The following NRG4 variants were observed in gnomAD, a reference collection of about 807,000 sequenced individuals.
The protein encoded by NRG4 is neuregulin 4.
A neutral mutation model predicts 15.0 loss-of-function variants in NRG4; 10 were observed. The observed-to-expected ratio is 0.67, with a 90% CI of 0.41 to 1.13. The LOEUF (loss-of-function observed/expected upper bound fraction) is 1.13. Ranked by LOEUF, NRG4 falls within the 50% of genes most tolerant of loss-of-function variation. The pLI is 0.00. For missense variants in NRG4, 139 were observed against 140.2 expected (o/e 0.99, Z 0.04); for synonymous variants, 41 against 50.1 (o/e 0.82, Z 0.77).
At chr15:76,055,527 T>G (rs768190319) in intron 2 of NRG4, among the ~76,000 whole-genome samples, 1 of 152,162 alleles carries the variant, frequency 6.6e-6, no homozygotes, top group Non-Finnish European at 1.5e-5. Flanking sequence ...GTGCCTTAAA[T>G]CTTGAATTAC....
intron 4 of NRG4, among the ~76,000 whole-genome samples, chr15:76,049,368 C>A (rs1445618684): frequency 6.6e-6 from 1 of 150,810 alleles, no homozygotes; most frequent in East Asian, 1.9e-4. Flanking sequence ...TCTTTCATTT[C>A]CATTTTATTT....
rs115786715 is a variant in NRG4, at chr15:75,997,582, G to A, written c.104+11618C>T. ...AGAGAGAGATATAAGATAGAAATAC[G>A]TCTGGGTACAGTGTGAGCATATAAT... On this transcript the variant is annotated intron_variant, in intron 3 of 5. Coordinates refer to ENST00000394907, the MANE Select transcript of NRG4 (RefSeq NM_138573.4). Among the ~76,000 whole-genome samples the A allele has an allele frequency of 7.6e-3, 1,152 of 152,216 alleles. 12 individuals are homozygous for A. Among genetic ancestry groups the A allele is most frequent in the African/African-American group, 0.026 (1,083 of 41,522 alleles).
At chr15:75,965,156 C>T (rs748606207) in intron 3 of NRG4, among the ~76,000 whole-genome samples, 9 of 151,536 alleles carry the variant, frequency 5.9e-5, no homozygotes, top group Non-Finnish European at 1.3e-4. Context: ...ACCCGGGAGG[C>T]GGAGCTTGCA....
chr15:75,999,441 T>C (rs942938377), intron 3 of NRG4, among the ~76,000 whole-genome samples: 2 of 152,192 alleles, frequency 1.3e-5, no homozygotes, highest in African/African-American at 4.8e-5. Context: ...TTTTATGCTC[T>C]TCTACTCTCT....
At position 75,997,550 on chromosome 15, in the gene NRG4, G is replaced by C. The variant is rs571534717; in HGVS notation, c.104+11650C>G. On this transcript the variant is annotated intron_variant, in intron 3 of 5. Transcript: ENST00000394907. Reference sequence around the variant, plus strand: ...AGAACAACAGACACATAAACACTAAGTACAGTAGAGAGAGATATAAGATAG... The same window carrying C: ...AGAACAACAGACACATAAACACTAACTACAGTAGAGAGAGATATAAGATAG... Among the ~76,000 whole-genome samples, 303 of 152,184 alleles carry C rather than the reference G, an allele frequency of 2.0e-3. 1 individual carries two copies. Among genetic ancestry groups the C allele is most frequent in the South Asian group, 0.02 (96 of 4,826 alleles).
chr15:75,945,023 A>G (rs1025150261), intron 5 of NRG4, among the ~76,000 whole-genome samples: 1 of 152,056 alleles, frequency 6.6e-6, no homozygotes, highest in Non-Finnish European at 1.5e-5. Context: ...TCTAAAAAAT[A>G]AGTCCTTACC....
intron 1 of NRG4, among the ~76,000 whole-genome samples, chr15:76,058,164 A>G (rs933458285): frequency 1.3e-5 from 2 of 152,192 alleles, no homozygotes; most frequent in African/African-American, 4.8e-5. Context: ...ACCTAGTTAA[A>G]ATGCTGTCAC....
intron 3 of NRG4, among the ~76,000 whole-genome samples, chr15:75,967,189 C>G (rs1054729819): frequency 6.7e-6 from 1 of 150,226 alleles, no homozygotes; most frequent in Non-Finnish European, 1.5e-5. Flanking sequence ...GAAACCCCTA[C>G]TAGATTTTTA....
intron 3 of NRG4, among the ~76,000 whole-genome samples, chr15:75,980,839 A>AT (rs1200873863): frequency 3.9e-5 from 6 of 152,224 alleles, no homozygotes; most frequent in South Asian, 2.1e-4. Context: ...GTAAGAAAAA[A>AT]AAATAAAAAA....
intron 3 of NRG4, among the ~76,000 whole-genome samples, chr15:76,000,169 C>T (rs540415693): frequency 5.1e-4 from 77 of 152,262 alleles, no homozygotes; most frequent in African/African-American, 1.8e-3. Context: ...CAGGCATGAG[C>T]CACTGCACCT....
At chr15:75,995,210 A>G (rs1002724487) in intron 3 of NRG4, among the ~76,000 whole-genome samples, 3 of 151,168 alleles carry the variant, frequency 2.0e-5, no homozygotes, top group Non-Finnish European at 3.0e-5. Context: ...AAAAAAAAAG[A>G]AAGAAAGAAA....
chr15:76,016,322 C>T (rs377126470), upstream of NRG4, among the ~76,000 whole-genome samples: 10 of 152,070 alleles, frequency 6.6e-5, no homozygotes, highest in East Asian at 1.5e-3. Flanking sequence ...AAGTGTTTTT[C>T]GTGTCTCTAT....
At chr15:76,049,255 A>G (rs1035021479) in intron 4 of NRG4, among the ~76,000 whole-genome samples, 2 of 150,826 alleles carry the variant, frequency 1.3e-5, no homozygotes, top group African/African-American at 2.5e-5. Flanking sequence ...CTCAGTATAC[A>G]TAACTGGTCA....
chr15:76,025,412 C>T (rs1334866608), intron 5 of NRG4, among the ~76,000 whole-genome samples: 1 of 151,986 alleles, frequency 6.6e-6, no homozygotes, highest in African/African-American at 2.4e-5. Flanking sequence ...GCATTCCAGC[C>T]TGGGTGACAG....
intron 5 of NRG4, among the ~76,000 whole-genome samples, chr15:76,028,629 G>T (rs2035380293): frequency 6.6e-6 from 1 of 151,834 alleles, no homozygotes; most frequent in African/African-American, 2.4e-5. Context: ...GCTGGGTGTG[G>T]TGGCTCACGC....
chr15:75,947,486 C>T (rs1466212869), intron 5 of NRG4, among the ~76,000 whole-genome samples: 1 of 152,170 alleles, frequency 6.6e-6, no homozygotes, highest in East Asian at 1.9e-4. Flanking sequence ...TATTCTTTCT[C>T]CTTTGCAATA....
intron 3 of NRG4, among the ~76,000 whole-genome samples, chr15:75,975,745 T>A (rs2033337376): frequency 6.6e-6 from 1 of 152,186 alleles, no homozygotes; most frequent in Non-Finnish European, 1.5e-5. Flanking sequence ...CTTCCCTTTG[T>A]GGGTAGGTAA....
At chr15:75,943,823 C>T (rs1029931514) in intron 5 of NRG4, among the ~76,000 whole-genome samples, 169 bp from the exon 6 acceptor site, 4 of 152,128 alleles carry the variant, frequency 2.6e-5, no homozygotes, top group Non-Finnish European at 5.9e-5. Flanking sequence ...TTTCCAGCAG[C>T]CTGACAAGAC....
chr15:76,056,720 T>C (rs1262552410), intron 2 of NRG4, among the ~76,000 whole-genome samples: 1 of 152,196 alleles, frequency 6.6e-6, no homozygotes, highest in Non-Finnish European at 1.5e-5. Flanking sequence ...TATTCAAATT[T>C]TCACAAATCA....
Sources: allele counts gnomAD v4.1 joint callset (sites outside exome capture counted in the v4.1 genomes callset), GRCh38; gene constraint gnomAD v4.1.1; transcripts MANE v1.5; gene names NCBI Gene and HGNC (gene_info 2026-07-23, HGNC 2026-07-21).